DNAH3: variants seen among roughly 807,000 people sequenced by gnomAD.
DNAH3 encodes the protein axonemal beta dynein heavy chain 3.
Under a neutral mutation model 432.5 loss-of-function variants are expected in DNAH3, and 332 were observed. The observed-to-expected ratio is 0.77, with a 90% CI of 0.70 to 0.84. The LOEUF is 0.84. Among genes scored for constraint, DNAH3 ranks in the 40% least tolerant of loss-of-function variants. DNAH3 has a pLI of 0.00. For synonymous variants in DNAH3, 1,956 were observed against 1,900.2 expected (o/e 1.03, Z -0.76); for missense variants, 4,861 against 5,114.0 (o/e 0.95, Z 1.51).
At chr16:21,075,556 T>TCTG in exon 21 of DNAH3, 1 of 1,612,548 alleles carries the variant, frequency 6.2e-7, no homozygotes, top group Non-Finnish European at 8.5e-7. Context: ...ACCAATGGGC[T>TCTG]CCAATCTAAA....
intron 44 of DNAH3, among the ~76,000 whole-genome samples, chr16:20,988,431 T>C (rs1022637848): frequency 1.3e-5 from 2 of 152,098 alleles, no homozygotes; most frequent in African/African-American, 2.4e-5. Context: ...ACATTACTTT[T>C]TGAGATGGAG....
At chr16:20,973,677 A>T (rs532123571) in intron 51 of DNAH3, among the ~76,000 whole-genome samples, 1 of 152,370 alleles carries the variant, frequency 6.6e-6, no homozygotes, top group African/African-American at 2.4e-5. Flanking sequence ...TTCTTCTACT[A>T]CGTGAACGTA....
rs775790756 is a variant in DNAH3 at position 21,145,298 on chromosome 16, C to T, written c.331G>A (p.Ala111Thr). ...TGGGCCATCAAGGAGTAGTTGTTGG[C>T]GATGGAATCACTGGGTCCACGGTGG... Residue 111 changes from alanine to threonine, a missense_variant, in exon 3 of 62, where the codon GCC (alanine) becomes ACC (threonine). Physicochemically the swap from Ala to Thr is moderately conservative, Grantham distance 58. Transcript: ENST00000261383. The T allele has an allele frequency of 1.6e-5, 26 of 1,613,888 alleles. No individual in the cohort carries two copies. Among genetic ancestry groups the T allele is most frequent in the East Asian group, 4.5e-5 (2 of 44,880 alleles).
At chr16:21,121,754 G>A (rs867281776) in intron 10 of DNAH3, among the ~76,000 whole-genome samples, 191 bp downstream of exon 11, 13 of 152,114 alleles carry the variant, frequency 8.5e-5, no homozygotes, top group Middle Eastern at 3.4e-3. Flanking sequence ...GCACAATTCT[G>A]GGCTGCGTGA....
intron 20 of DNAH3, among the ~76,000 whole-genome samples, chr16:21,076,698 C>T (rs970347072): frequency 6.6e-6 from 1 of 152,142 alleles, no homozygotes; most frequent in African/African-American, 2.4e-5. Flanking sequence ...AATAACCTGA[C>T]ATTAATTAAT....
chr16:20,982,724 A>G (rs2085969174), exon 49 of DNAH3: 1 of 1,613,656 alleles, frequency 6.2e-7, no homozygotes, highest in Non-Finnish European at 8.5e-7. Context: ...CACTTACTCT[A>G]CCCGAATGTT....
rs142025797 is a variant in DNAH3, at chr16:21,112,067, A to G, written c.1846T>C (p.Leu616=). ...TTTTGCTCTGCCGTGTTATCCAATA[A>G]GTCAACATACTTTTTGTAGACATTT... The change falls in exon 13 of 62, where the codon TTA becomes CTA. Residue 616 remains leucine (L), a synonymous_variant. Coordinates refer to ENST00000261383, the Ensembl canonical transcript of DNAH3. 2.5e-6 allele frequency: 4 copies of G among 1,613,336 alleles called. No individual in the cohort carries two copies. The African/African-American group carries it at 5.3e-5, about 22-fold the overall frequency.
intron 32 of DNAH3, 40 bp from the exon 33 acceptor site, chr16:21,039,983 G>T: frequency 6.7e-7 from 1 of 1,503,640 alleles, no homozygotes; most frequent in African/African-American, 1.4e-5. Flanking sequence ...AACACGTGCA[G>T]TGAATACTGA....
At chr16:21,152,865 T>G (rs1470845246) in intron 1 of DNAH3, among the ~76,000 whole-genome samples, 2 of 152,234 alleles carry the variant, frequency 1.3e-5, no homozygotes, top group African/African-American at 4.8e-5. Context: ...CAGCCCGCCA[T>G]GCCTGAGCCT....
chr16:21,048,667 G>A (rs1268172412), intron 31 of DNAH3, among the ~76,000 whole-genome samples: 30 of 151,964 alleles, frequency 2.0e-4, no homozygotes, highest in Non-Finnish European at 3.5e-4. Flanking sequence ...GCTGTAGACC[G>A]GAGCTGTTCC....
intron 20 of DNAH3, among the ~76,000 whole-genome samples, chr16:21,076,151 G>C (rs1166613875): frequency 1.3e-5 from 2 of 152,072 alleles, no homozygotes; most frequent in African/African-American, 4.8e-5. Flanking sequence ...TAATATCTTG[G>C]AATGTAACTC....
At chr16:21,016,729 G>T (rs1411035372) in intron 41 of DNAH3, among the ~76,000 whole-genome samples, 1 of 152,096 alleles carries the variant, frequency 6.6e-6, no homozygotes, top group East Asian at 1.9e-4. Context: ...AGCTTTATTC[G>T]CAATAGCCAA....
intron 18 of DNAH3, among the ~76,000 whole-genome samples, chr16:21,090,875 G>C (rs2091512046): frequency 6.6e-6 from 1 of 152,148 alleles, no homozygotes; most frequent in Admixed American, 6.6e-5. Flanking sequence ...ATTTCAGCTG[G>C]GTGAGGTGGC....
intron 31 of DNAH3, among the ~76,000 whole-genome samples, chr16:21,042,759 G>A (rs909094338): frequency 3.9e-5 from 6 of 151,948 alleles, no homozygotes; most frequent in Admixed American, 2.0e-4. Context: ...CCATGCTGGT[G>A]CGCTGCACCC....
intron 1 of DNAH3, among the ~76,000 whole-genome samples, chr16:21,148,147 T>C (rs1274817261): frequency 6.6e-6 from 1 of 152,150 alleles, no homozygotes; most frequent in Non-Finnish European, 1.5e-5. Context: ...CATATGACTA[T>C]TAGCTGTCCC....
intron 47 of DNAH3, among the ~76,000 whole-genome samples, chr16:20,986,619 A>G (rs2152671793): frequency 6.6e-6 from 1 of 152,300 alleles, no homozygotes; most frequent in Non-Finnish European, 1.5e-5. Flanking sequence ...GGTCCCCAGA[A>G]AAGACAGTTG....
intron 51 of DNAH3, among the ~76,000 whole-genome samples, chr16:20,974,589 T>TG (rs908558646): frequency 6.6e-5 from 9 of 137,248 alleles, no homozygotes; most frequent in African/African-American, 1.6e-4. Context: ...GTTTTTTTTT[T>TG]TTTTTTTTTT....
At chr16:20,975,186 C>T in intron 51 of DNAH3, 47 bp downstream of exon 51, 3 of 1,602,022 alleles carry the variant, frequency 1.9e-6, no homozygotes, top group Non-Finnish European at 2.6e-6. Flanking sequence ...TATAACCACG[C>T]TCATTCGGCA....
chr16:21,059,584 GGC>G (rs2090270330), intron 26 of DNAH3, among the ~76,000 whole-genome samples: 1 of 152,140 alleles, frequency 6.6e-6, no homozygotes, highest in Admixed American at 6.6e-5. Context: ...AGACCAGCCT[GGC>G]CAACATGGTG....
Sources: gnomAD v4.1 joint callset for allele counts (sites outside exome capture counted in the v4.1 genomes callset) on GRCh38, gnomAD v4.1.1 for gene constraint, MANE v1.5 for transcripts, NCBI Gene and HGNC (gene_info 2026-07-23, HGNC 2026-07-21) for gene names.